TMEM39B: variants seen among roughly 807,000 people sequenced by gnomAD.
TMEM39B encodes the protein transmembrane protein 39B.
In TMEM39B, 23 loss-of-function variants were observed where a neutral mutation model predicts 52.2. The ratio of observed to expected loss-of-function variants is 0.44; its 90% confidence interval spans 0.32 to 0.62. The LOEUF is 0.62. Ranked by LOEUF, TMEM39B falls within the 20% of genes least tolerant of loss-of-function variation. TMEM39B has a pLI of 0.06. For synonymous variants in TMEM39B, 285 were observed against 264.0 expected, an observed-to-expected ratio of 1.08 and a Z score of -0.77; for missense variants, 547 against 642.0, an observed-to-expected ratio of 0.85 and a Z score of 1.60.
Position 32,102,613 on chromosome 1 carries a change from G to A in TMEM39B, c.1419G>A (p.Leu473=). 6.2e-7 allele frequency: 1 copy of A among 1,613,334 alleles called. No homozygotes were observed. The highest frequency in any genetic ancestry group is 1.1e-5 in the South Asian group (1 of 91,000). The stretch of plus-strand genomic sequence containing the variant: ...AGCTGCTCCGGGACCGCTTGGTATT[G>A]GGCAAGGCCTACTCATACTCTGCTA... ...FFKLLRDRLV[L]GKAYSYSASP... Residue 473 remains leucine, a synonymous_variant, in exon 9 of 9, where the codon TTG becomes TTA. Transcript: ENST00000336294.
chr1:32,089,554 T>C (rs1487476788), intron 5 of TMEM39B, among the ~76,000 whole-genome samples: 2 of 151,990 alleles, frequency 1.3e-5, no homozygotes, highest in African/African-American at 4.8e-5. Flanking sequence ...ATCCCTATTT[T>C]ATAGACTGGA....
chr1:32,102,138 G>C (rs1641040704), intron 8 of TMEM39B, among the ~76,000 whole-genome samples: 1 of 152,110 alleles, frequency 6.6e-6, no homozygotes, highest in South Asian at 2.1e-4. Flanking sequence ...ACCACAAAAA[G>C]AGTTTGAGAG....
At chr1:32,083,060 C>G (rs1267570365) in intron 5 of TMEM39B, among the ~76,000 whole-genome samples, 1 of 148,798 alleles carries the variant, frequency 6.7e-6, no homozygotes, top group East Asian at 2.0e-4. Context: ...AAGCGTGAGC[C>G]ACCGCGCCCA....
chr1:32,085,379 C>G (rs77142791), intron 5 of TMEM39B, among the ~76,000 whole-genome samples: 5,086 of 152,024 alleles, frequency 0.033, 265 homozygotes, highest in African/African-American at 0.12. Flanking sequence ...GAGATTTTTT[C>G]AGCAATCATA....
At chr1:32,082,348 T>G (rs1640134480) in intron 5 of TMEM39B, among the ~76,000 whole-genome samples, 1 of 152,196 alleles carries the variant, frequency 6.6e-6, no homozygotes, top group South Asian at 2.1e-4. Context: ...TTGATATAAT[T>G]ATGTGTATGA....
chr1:32,094,361 G>A (rs183018984), intron 6 of TMEM39B, among the ~76,000 whole-genome samples: 10 of 151,638 alleles, frequency 6.6e-5, no homozygotes, highest in Admixed American at 2.0e-4. Context: ...TCCTGATCTC[G>A]TGATCTGCCC....
At chr1:32,081,704 C>T (rs989770478) in intron 5 of TMEM39B, among the ~76,000 whole-genome samples, 1 of 150,298 alleles carries the variant, frequency 6.7e-6, no homozygotes, top group East Asian at 2.0e-4. Flanking sequence ...GCTGAGTTTG[C>T]ACCACTGCAC....
chr1:32,078,860 C>T (rs965020810), intron 5 of TMEM39B, among the ~76,000 whole-genome samples: 5 of 151,968 alleles, frequency 3.3e-5, no homozygotes, highest in African/African-American at 7.3e-5. Context: ...AGGCTGGTCT[C>T]GAACTCCTGG....
chr1:32,102,792 G>T lies in TMEM39B; in HGVS notation c.*119G>T. 8.2e-7 allele frequency: 1 copy of T among 1,222,754 alleles called. No homozygotes were observed. 75.7% of individuals were successfully genotyped at this position (1,222,754 alleles called of 1,614,324 possible). A position where few individuals can be genotyped will look rare whatever the true frequency, so the allele number is the denominator to read the frequency against. On this transcript the variant is annotated 3_prime_UTR_variant, in exon 9 of 9. Coordinates refer to ENST00000336294, the MANE Select transcript of TMEM39B (RefSeq NM_018056.4). Reference sequence around the variant, plus strand: ...AGACAAAAAAATCCACCAGAGCTTTGTATTTTTGTTACGTACTGTTTCTTT... The same window carrying T: ...AGACAAAAAAATCCACCAGAGCTTTTTATTTTTGTTACGTACTGTTTCTTT...
intron 5 of TMEM39B, among the ~76,000 whole-genome samples, chr1:32,079,414 G>A (rs1640000446): frequency 6.6e-6 from 1 of 151,810 alleles, no homozygotes; most frequent in South Asian, 2.1e-4. Flanking sequence ...TCAATCTCCT[G>A]ACCTCATGAT....
chr1:32,079,069 A>T (rs1639983595), intron 5 of TMEM39B, among the ~76,000 whole-genome samples: 1 of 148,914 alleles, frequency 6.7e-6, no homozygotes, highest in South Asian at 2.1e-4. Context: ...TCATTATTTT[A>T]TTTTATTTTA....
chr1:32,101,680 G>T (rs549158820), intron 8 of TMEM39B, among the ~76,000 whole-genome samples: 1 of 152,284 alleles, frequency 6.6e-6, no homozygotes, highest in South Asian at 2.1e-4. Flanking sequence ...CCAAAGTATT[G>T]CAGCCTGTTA....
Position 32,080,082 on chromosome 1 carries a change from G to A in TMEM39B, c.590+2764G>A, listed in dbSNP as rs1045067013. On this transcript the variant is annotated intron_variant, in intron 5 of 8. Transcript: ENST00000336294. ...TTTTTGTATTCTTAGTAGAGATGGGGTTTCACCGTGTTAGCCAGGATGGTC... is the reference window on the plus strand; with the variant it reads ...TTTTTGTATTCTTAGTAGAGATGGGATTTCACCGTGTTAGCCAGGATGGTC... Among the ~76,000 whole-genome samples, 3 of 151,922 alleles carry A rather than the reference G, an allele frequency of 2.0e-5. No homozygotes were observed. The South Asian group carries it at 6.2e-4, about 32-fold the overall frequency.
At position 32,091,952 on chromosome 1, in the gene TMEM39B, C is replaced by T; in HGVS notation, c.868C>T (p.Leu290Phe). Residue 290 changes from leucine to phenylalanine, a missense_variant, in exon 6 of 9, where the codon CTC becomes TTC. Leu to Phe is a conservative substitution (Grantham distance 22). Coordinates refer to ENST00000336294, the MANE Select transcript of TMEM39B (RefSeq NM_018056.4). Reference protein sequence around the residue: ...MDFNWRMKEVLVSSMLSAYYV... With the variant: ...MDFNWRMKEVFVSSMLSAYYV... ...CTTCAACTGGCGCATGAAGGAAGTG[C>T]TCGTCAGCTCCATGCTGAGCGCCTA... 1 of 1,614,194 alleles carries T rather than the reference C, an allele frequency of 6.2e-7. No homozygotes were observed. Among genetic ancestry groups the T allele is most frequent in the Non-Finnish European group, 8.5e-7 (1 of 1,180,028 alleles).
intron 5 of TMEM39B, among the ~76,000 whole-genome samples, chr1:32,089,131 ATTTTT>A (rs746806785): frequency 7.7e-6 from 1 of 130,204 alleles, no homozygotes. Context: ...AGAGCTGGGA[ATTTTT>A]TTTTTTTTTT....
At chr1:32,076,016 G>A (rs889964399) in intron 3 of TMEM39B, 194 bp downstream of exon 3, 5 of 417,708 alleles carry the variant, frequency 1.2e-5, no homozygotes, top group Non-Finnish European at 2.1e-5. Context: ...GTGTTTAGTA[G>A]CACATTGGGC....
intron 5 of TMEM39B, chr1:32,086,948 C>T (rs1557428366): frequency 6.6e-6 from 1 of 152,272 alleles, no homozygotes; most frequent in Non-Finnish European, 1.5e-5. Context: ...TGGCACGCAC[C>T]TGAAGTACCA....
At chr1:32,094,995 C>A in intron 7 of TMEM39B, 24 bp downstream of exon 7, 2 of 1,608,644 alleles carry the variant, frequency 1.2e-6, no homozygotes, top group South Asian at 2.2e-5. Flanking sequence ...CCCTGCTCAA[C>A]CCAATCCCAG....
intron 7 of TMEM39B, among the ~76,000 whole-genome samples, chr1:32,097,165 C>G (rs961872562): frequency 6.6e-5 from 10 of 151,920 alleles, no homozygotes; most frequent in Admixed American, 6.6e-5. Context: ...CTCATGTAAC[C>G]CACCCCTCAT....
Sources: allele counts gnomAD v4.1 joint callset (sites outside exome capture counted in the v4.1 genomes callset), GRCh38; gene constraint gnomAD v4.1.1; transcripts MANE v1.5; gene names NCBI Gene and HGNC (gene_info 2026-07-23, HGNC 2026-07-21).